KLRG1: variants seen among roughly 807,000 people sequenced by gnomAD.
The protein encoded by KLRG1 is killer cell lectin like receptor G1.
A neutral mutation model predicts 21.8 loss-of-function variants in KLRG1; 16 were observed. The ratio of observed to expected loss-of-function variants is 0.73; its 90% confidence interval spans 0.50 to 1.11. The LOEUF (loss-of-function observed/expected upper bound fraction) is 1.11, where lower values mean the gene tolerates loss of function less well. Ranked by LOEUF, KLRG1 falls within the 50% of genes most tolerant of loss-of-function variation. KLRG1 has a pLI of 0.00. For synonymous variants in KLRG1, 69 were observed against 75.9 expected, an observed-to-expected ratio of 0.91 and a Z score of 0.47; for missense variants, 173 against 218.3, an observed-to-expected ratio of 0.79 and a Z score of 1.31.
chr12:9,095,004 A>T, the KLRG1 span: 1 of 1,588,672 alleles, frequency 6.3e-7, no homozygotes, highest in Non-Finnish European at 8.6e-7. Context: ...CTTCAGGTCC[A>T]TGCATTTCAT....
At chr12:9,012,859 T>C (rs186180679), downstream of KLRG1, among the ~76,000 whole-genome samples, 5 of 152,080 alleles carry the variant, frequency 3.3e-5, no homozygotes, top group African/African-American at 1.2e-4. Flanking sequence ...GAGGGAACAT[T>C]AGTGATAGCC....
At chr12:9,077,772 A>G in the KLRG1 span, 2 of 1,614,208 alleles carry the variant, frequency 1.2e-6, no homozygotes, top group Non-Finnish European at 1.7e-6. Context: ...TGGGAGAGCC[A>G]TATGAGGGCT....
At chr12:8,985,280 G>T (rs144111387), upstream of KLRG1, among the ~76,000 whole-genome samples, 2 of 151,610 alleles carry the variant, frequency 1.3e-5, no homozygotes, top group African/African-American at 2.4e-5. Flanking sequence ...GTTTACATTG[G>T]ATGTGTAGGG....
the KLRG1 span, chr12:9,089,901 C>T: frequency 1.2e-6 from 2 of 1,607,578 alleles, no homozygotes; most frequent in Non-Finnish European, 1.7e-6. Context: ...GGTTTACTTA[C>T]TTCAACCAAC....
the KLRG1 span, chr12:9,157,737 G>T: frequency 1.9e-6 from 3 of 1,585,310 alleles, no homozygotes; most frequent in Non-Finnish European, 2.6e-6. Flanking sequence ...CAGTTTTCAT[G>T]GTAGGGAATG....
chr12:9,149,478 C>G, the KLRG1 span: 8 of 1,363,436 alleles, frequency 5.9e-6, no homozygotes, highest in Admixed American at 1.0e-4. Flanking sequence ...GTAGGAAAAG[C>G]CTTGTAGAGA....
chr12:9,077,914 C>A, the KLRG1 span: 4 of 1,605,500 alleles, frequency 2.5e-6, no homozygotes, highest in South Asian at 4.4e-5. Context: ...TTTATAACCA[C>A]TTCACAGCAA....
At position 9,010,209 on chromosome 12, in the gene KLRG1, G is replaced by A. The variant is rs2137455403; in HGVS notation, c.*672G>A. ...TCTAAAAAAAAAAAAAAATGCTAATGTGAGAATATAAATTGTGGGAAATGA... is the reference window on the plus strand; with the variant it reads ...TCTAAAAAAAAAAAAAAATGCTAATATGAGAATATAAATTGTGGGAAATGA... On this transcript the variant is annotated 3_prime_UTR_variant, in exon 5 of 5. Transcript: ENST00000356986. The A allele has an allele frequency of 3.8e-6, 2 of 532,456 alleles. No homozygotes were observed. The highest frequency in any genetic ancestry group is 2.7e-5 in the South Asian group (1 of 36,806). The allele number at this position is 532,456 out of a possible 1,614,324, so 33.0% of individuals were successfully genotyped here. A position where few individuals can be genotyped will look rare whatever the true frequency, so the allele number is the denominator to read the frequency against.
the KLRG1 span, among the ~76,000 whole-genome samples, chr12:9,176,009 A>G: frequency 2.6e-5 from 4 of 152,176 alleles, no homozygotes; most frequent in African/African-American, 7.2e-5. Context: ...ACATGCTTGC[A>G]TATATTCACT....
At chr12:9,212,797 A>G in the KLRG1 span, among the ~76,000 whole-genome samples, 1 of 152,056 alleles carries the variant, frequency 6.6e-6, no homozygotes, top group African/African-American at 2.4e-5. Flanking sequence ...TTTTAAATGG[A>G]CACAAATTCC....
the KLRG1 span, among the ~76,000 whole-genome samples, chr12:9,110,952 C>T: frequency 6.6e-6 from 1 of 152,060 alleles, no homozygotes; most frequent in East Asian, 1.9e-4. Context: ...GAAGATCAAT[C>T]CTTTGCTATG....
chr12:9,208,451 A>G, the KLRG1 span: 1 of 766,592 alleles, frequency 1.3e-6, no homozygotes, highest in Non-Finnish European at 2.3e-6. Flanking sequence ...AACAAGCCCC[A>G]CCCCAAGGCC....
the KLRG1 span, chr12:9,027,655 T>C: frequency 0.34 from 310,471 of 923,870 alleles, 53,253 homozygotes; most frequent in Admixed American, 0.41. Context: ...CCAAAGATTC[T>C]TCCCTTCATG....
chr12:9,109,052 G>GTA, the KLRG1 span, among the ~76,000 whole-genome samples: 4 of 151,900 alleles, frequency 2.6e-5, no homozygotes, highest in Non-Finnish European at 5.9e-5. Context: ...GTGTGTGTGT[G>GTA]CAGTTTTGTC....
the KLRG1 span, chr12:9,101,504 A>G: frequency 6.2e-7 from 1 of 1,613,902 alleles, no homozygotes; most frequent in Non-Finnish European, 8.5e-7. Context: ...TCAGAATATA[A>G]TGTGCCTGGA....
chr12:9,015,767 C>A, the KLRG1 span, among the ~76,000 whole-genome samples: 1 of 152,112 alleles, frequency 6.6e-6, no homozygotes. Flanking sequence ...GGTCACAAAA[C>A]AAGTCTTTAA....
At chr12:9,081,403 GA>G in the KLRG1 span, among the ~76,000 whole-genome samples, 1 of 152,158 alleles carries the variant, frequency 6.6e-6, no homozygotes, top group Non-Finnish European at 1.5e-5. Flanking sequence ...TAATAAAGAG[GA>G]GGATTTTCGT....
the KLRG1 span, among the ~76,000 whole-genome samples, chr12:9,155,424 A>T: frequency 1.3e-5 from 2 of 152,148 alleles, no homozygotes; most frequent in Admixed American, 1.3e-4. Flanking sequence ...TGCTATAAGC[A>T]TGTTCTTTCC....
chr12:9,042,594 A>G, the KLRG1 span, among the ~76,000 whole-genome samples: 2 of 152,194 alleles, frequency 1.3e-5, no homozygotes, highest in Non-Finnish European at 2.9e-5. Context: ...TTCTCAGTCA[A>G]AGGTAGAGAG....
Sources: allele counts gnomAD v4.1 joint callset (sites outside exome capture counted in the v4.1 genomes callset), GRCh38; gene constraint gnomAD v4.1.1; transcripts MANE v1.5; gene names NCBI Gene and HGNC (gene_info 2026-07-23, HGNC 2026-07-21).